TIAM1: variants seen among roughly 807,000 people sequenced by gnomAD.
The protein encoded by TIAM1 is rho guanine nucleotide exchange factor TIAM1.
Under a neutral mutation model 163.5 loss-of-function variants are expected in TIAM1, and 65 were observed. That is an observed-to-expected ratio of 0.40 (90% CI 0.33 to 0.49). The LOEUF is 0.49. Ranked by LOEUF, TIAM1 falls within the 20% of genes least tolerant of loss-of-function variation. The pLI is 0.77. For missense variants in TIAM1, 1,789 were observed against 2,044.7 expected, an observed-to-expected ratio of 0.87 and a Z score of 2.41; for synonymous variants, 833 against 810.1, an observed-to-expected ratio of 1.03 and a Z score of -0.48.
rs748048177 is a variant in TIAM1, at chr21:31,119,963, C to T, written c.*405G>A. 4.8e-4 allele frequency: 76 copies of T among 158,216 alleles called. No individual in the cohort carries two copies. The highest frequency in any genetic ancestry group is 8.4e-4 in the Non-Finnish European group (61 of 72,826). 9.8% of individuals were successfully genotyped at this position (158,216 alleles called of 1,614,324 possible). A position where few individuals can be genotyped will look rare whatever the true frequency, so the allele number is the denominator to read the frequency against. ...TTCATTTTGTGTGTGAAAGAGGTTT[C>T]CCCAGCTAGGAGACTGATTTCAGAT... is the stretch of plus-strand genomic sequence containing the variant. On this transcript the variant is annotated 3_prime_UTR_variant, in exon 28 of 28. Transcript: ENST00000541036.
intron 2 of TIAM1, among the ~76,000 whole-genome samples, chr21:31,448,822 G>C (rs961772329): frequency 3.3e-5 from 5 of 152,046 alleles, no homozygotes; most frequent in Non-Finnish European, 5.9e-5. Flanking sequence ...CATGGGTTTC[G>C]GGTCAGAAAG....
intron 11 of TIAM1, among the ~76,000 whole-genome samples, 170 bp from the exon 12 acceptor site, chr21:31,203,182 G>A (rs1334398761): frequency 6.6e-6 from 1 of 152,180 alleles, no homozygotes. Flanking sequence ...GAGTGCAATG[G>A]CGCAATCTCG....
In TIAM1 at chr21:31,141,023, A is replaced by G; in HGVS notation, c.3774+95T>C. ...CAACAGCATCCTAACTATTTTACTT[A>G]CAAGTAACACCTTTTTAAAAAATAA... On this transcript the variant is annotated intron_variant, in intron 22 of 27. Coordinates refer to ENST00000541036, the MANE Select transcript of TIAM1 (RefSeq NM_001353694.2). The surrounding 1 kb of genome is among the most constrained non-coding windows in gnomAD (Gnocchi z 4.7). The G allele has an allele frequency of 1.1e-6, 1 of 932,130 alleles. No individual in the cohort carries two copies. The highest frequency in any genetic ancestry group is 1.9e-5 in the South Asian group (1 of 53,126). The allele number at this position is 932,130 out of a possible 1,614,324, so 57.7% of individuals were successfully genotyped here.
chr21:31,500,504 T>C (rs558174149), intron 1 of TIAM1, among the ~76,000 whole-genome samples: 3 of 152,290 alleles, frequency 2.0e-5, no homozygotes, highest in East Asian at 3.9e-4. Context: ...GAAAGATATG[T>C]TGAAGTCCTT....
At chr21:31,400,809 G>A (rs755608242) in intron 2 of TIAM1, among the ~76,000 whole-genome samples, 4 of 152,058 alleles carry the variant, frequency 2.6e-5, no homozygotes, top group Non-Finnish European at 5.9e-5. Flanking sequence ...GTGGAATCCC[G>A]GCCGGGCACA....
intron 2 of TIAM1, among the ~76,000 whole-genome samples, chr21:31,396,635 T>C: frequency 6.7e-6 from 1 of 148,878 alleles, no homozygotes; most frequent in East Asian, 1.9e-4. Context: ...AACAATATTA[T>C]ATTTAATAAT....
chr21:31,433,575 C>A (rs2044113597), intron 2 of TIAM1, among the ~76,000 whole-genome samples: 1 of 152,122 alleles, frequency 6.6e-6, no homozygotes, highest in Non-Finnish European at 1.5e-5. Context: ...AGAACAATTT[C>A]TCAGAATATA....
In TIAM1 at chr21:31,210,085, G is replaced by C. The variant is rs2086645932; in HGVS notation, c.2348C>G (p.Pro783Arg). 1 of 1,614,120 alleles carries C rather than the reference G, an allele frequency of 6.2e-7. No individual in the cohort carries two copies. Among genetic ancestry groups the C allele is most frequent in the East Asian group, 2.2e-5 (1 of 44,872 alleles). ...CAGGGTGTCCCGTGCAGTGTCGCCTGGCCGGACGACCGTCAGGGCAGGCTG... is the reference window on the plus strand; with the variant it reads ...CAGGGTGTCCCGTGCAGTGTCGCCTCGCCGGACGACCGTCAGGGCAGGCTG... ...NNQPALTVVR[P>R]GDTARDTLEL... The change falls in exon 11 of 28, where the codon CCA (proline) becomes CGA (arginine). Residue 783 changes from proline to arginine, a missense_variant. Physicochemically the swap from Pro to Arg is moderately radical, Grantham distance 103. Transcript: ENST00000541036.
chr21:31,538,121 C>T (rs1371456998), intron 1 of TIAM1, among the ~76,000 whole-genome samples: 1 of 152,200 alleles, frequency 6.6e-6, no homozygotes, highest in Non-Finnish European at 1.5e-5. Context: ...TCAGCATGTT[C>T]TGTTTCTAGA....
At chr21:31,474,300 C>T (rs2045859796) in intron 1 of TIAM1, among the ~76,000 whole-genome samples, 2 of 152,126 alleles carry the variant, frequency 1.3e-5, no homozygotes, top group South Asian at 4.1e-4. Context: ...AATTAGGGTA[C>T]AGTCAATGAA....
chr21:31,251,942 G>A lies in TIAM1; in HGVS notation c.1211C>T (p.Ala404Val). The A allele has an allele frequency of 6.2e-7, 1 of 1,613,896 alleles. No homozygotes were observed. The highest frequency in any genetic ancestry group is 8.5e-7 in the Non-Finnish European group (1 of 1,179,910). The change falls in exon 5 of 28, where the codon GCC becomes GTC. Residue 404 changes from alanine to valine, a missense_variant. Around this residue, in one of 5 missense-constraint regions of TIAM1, gnomAD observed 555 missense variants for 564.9 expected, o/e 0.98. Transcript: ENST00000541036. Reference protein sequence around the residue: ...STTNSESLEEAGSAHSDEQSS... With the variant: ...STTNSESLEEVGSAHSDEQSS... ...CTGCTCATCGCTGTGCGCCGAGCCG[G>A]CCTCCTCCAGGCTCTCGCTGTTGGT...
chr21:31,422,247 G>C (rs1164018672), intron 2 of TIAM1, among the ~76,000 whole-genome samples: 1 of 152,172 alleles, frequency 6.6e-6, no homozygotes, highest in Non-Finnish European at 1.5e-5. Context: ...GGATTATTGA[G>C]AGGAGAGAAT....
upstream of TIAM1, among the ~76,000 whole-genome samples, chr21:31,345,774 A>G (rs1393615674): frequency 6.6e-6 from 1 of 151,842 alleles, no homozygotes; most frequent in Non-Finnish European, 1.5e-5. Flanking sequence ...ACACGGTGAA[A>G]CCCCGTCTCT....
intron 20 of TIAM1, 64 bp downstream of exon 20, chr21:31,146,831 A>G: frequency 1.5e-6 from 2 of 1,373,298 alleles, no homozygotes; most frequent in Non-Finnish European, 2.1e-6. Flanking sequence ...AAAGCCCCCA[A>G]CCACTGTCAG....
intron 1 of TIAM1, among the ~76,000 whole-genome samples, chr21:31,481,477 A>C (rs192157634): frequency 6.6e-6 from 1 of 152,292 alleles, no homozygotes; most frequent in East Asian, 1.9e-4. Context: ...CTACAGGTTA[A>C]GGGCTCAGTC....
chr21:31,129,073 T>A (rs6517011), intron 25 of TIAM1, among the ~76,000 whole-genome samples: 3,145 of 152,294 alleles, frequency 0.021, 116 homozygotes, highest in African/African-American at 0.072. Context: ...CCACCAAGGC[T>A]TTTCTTTACC....
At chr21:31,459,420 T>G (rs1009953733) in intron 2 of TIAM1, among the ~76,000 whole-genome samples, 36 of 152,168 alleles carry the variant, frequency 2.4e-4, no homozygotes, top group African/African-American at 8.4e-4. Flanking sequence ...GAAAACCAAC[T>G]GAGAGGCAAC....
At chr21:31,243,441 G>C (rs1299870385) in intron 6 of TIAM1, among the ~76,000 whole-genome samples, 2 of 151,446 alleles carry the variant, frequency 1.3e-5, no homozygotes, top group African/African-American at 4.8e-5. Flanking sequence ...CACAACAGGA[G>C]TCACCAAAGG....
chr21:31,146,710 C>CAAAAAAA (rs55662795), intron 20 of TIAM1, among the ~76,000 whole-genome samples, 185 bp downstream of exon 20: 2 of 131,694 alleles, frequency 1.5e-5, no homozygotes, highest in African/African-American at 5.8e-5. Flanking sequence ...GACTCTGTCT[C>CAAAAAAA]AAAAAAAAAA....
Sources: gnomAD v4.1 joint callset for allele counts (sites outside exome capture counted in the v4.1 genomes callset) on GRCh38, gnomAD v4.1.1 for gene constraint, gnomAD v4.1.1 regional missense constraint, Gnocchi (gnomAD v3.1) non-coding constraint, MANE v1.5 for transcripts, NCBI Gene and HGNC (gene_info 2026-07-23, HGNC 2026-07-21) for gene names.